Variants in SETD7 observed in about 807,000 individuals in gnomAD.
SETD7 encodes the protein SET domain containing 7, histone lysine methyltransferase.
In SETD7, 16 loss-of-function variants were observed where a neutral mutation model predicts 41.8. The observed-to-expected ratio is 0.38, with a 90% CI of 0.26 to 0.58. SETD7 has a LOEUF of 0.58. Among genes scored for constraint, SETD7 ranks in the 20% least tolerant of loss-of-function variants. The pLI is 0.64. For missense variants in SETD7, 346 were observed against 459.7 expected (o/e 0.75, Z 2.26); for synonymous variants, 163 against 169.7 (o/e 0.96, Z 0.31).
At chr4:139,496,325 A>T in exon 8 of SETD7, 1 of 698,798 alleles carries the variant, frequency 1.4e-6, no homozygotes, top group Non-Finnish European at 2.6e-6. Context: ...CAGTAGGCAG[A>T]GTTCATTCCA....
At chr4:139,530,814 T>C (rs1368572531) in intron 3 of SETD7, among the ~76,000 whole-genome samples, 4 of 152,206 alleles carry the variant, frequency 2.6e-5, no homozygotes, top group Admixed American at 6.5e-5. Flanking sequence ...TTAAAAACCT[T>C]ATATGAAAAA....
rs556784246 is a variant in SETD7, at chr4:139,536,595, A to G, written c.171-3229T>C. On this transcript the variant is annotated intron_variant, in intron 2 of 7. Transcript: ENST00000274031. ...GGGGTGGTAGCACATGCTTGTAATC[A>G]CAGCTACTCAGGAGGGTGAGGTGCA... 6.0e-4 allele frequency among the ~76,000 whole-genome samples: 91 copies of G among 152,160 alleles called. 1 individual carries two copies. In the South Asian group the frequency reaches 0.018, roughly 31 times the overall value.
intron 2 of SETD7, among the ~76,000 whole-genome samples, chr4:139,545,304 G>A (rs977163147): frequency 8.6e-5 from 13 of 151,930 alleles, no homozygotes; most frequent in Admixed American, 6.6e-4. Flanking sequence ...TCTACACCTC[G>A]TGGCAGAGAC....
chr4:139,533,557 C>T (rs2592972), intron 2 of SETD7, among the ~76,000 whole-genome samples, 191 bp from the exon 3 acceptor site: 68,879 of 152,050 alleles, frequency 0.45, 16,785 homozygotes, highest in Non-Finnish European at 0.53. Context: ...AGAAGAAAGA[C>T]GGAGATTTAA....
chr4:139,509,743 G>A lies in SETD7; in HGVS notation c.*1920C>T. 1.0e-6 allele frequency: 1 copy of A among 985,464 alleles called. No homozygotes were observed. The highest frequency in any genetic ancestry group is 1.2e-6 in the Non-Finnish European group (1 of 829,952). 61.0% of individuals were successfully genotyped at this position (985,464 alleles called of 1,614,324 possible). On this transcript the variant is annotated 3_prime_UTR_variant, in exon 8 of 8. Coordinates refer to ENST00000274031, the MANE Select transcript of SETD7 (RefSeq NM_030648.4). ...CCTGGCCCATCCGTCACAGTGTATA[G>A]AACGGTCTCTTTCTACAGAGTAAGA...
chr4:139,503,697 C>T (rs1339974991), downstream of SETD7, among the ~76,000 whole-genome samples: 6 of 151,968 alleles, frequency 3.9e-5, no homozygotes, highest in Non-Finnish European at 1.5e-5. Context: ...AGACTAACCT[C>T]CCTTCTTCTC....
chr4:139,520,297 C>T lies in SETD7; in HGVS notation c.742G>A (p.Val248Ile). The T allele has an allele frequency of 2.5e-6, 4 of 1,594,946 alleles. No homozygotes were observed. The highest frequency in any genetic ancestry group is 2.6e-6 in the Non-Finnish European group (3 of 1,169,306). Residue 248 changes from valine to isoleucine, a missense_variant, in exon 6 of 8, where the codon GTT (valine) becomes ATT (isoleucine). Physicochemically the swap from Val to Ile is conservative, Grantham distance 29 (BLOSUM62 3). Coordinates refer to ENST00000274031, the MANE Select transcript of SETD7 (RefSeq NM_030648.4). ...PNTVMSFYNGVRITHQEVDSR... is the reference protein window; with the variant it reads ...PNTVMSFYNGIRITHQEVDSR... ...CTCACCTCTTGGTGTGTAATTCGAA[C>T]TCCATTATAAAAAGACATAACAGTA...
Position 139,555,837 on chromosome 4 carries a change from G to T in SETD7, c.40+261C>A, listed in dbSNP as rs891660459. Among the ~76,000 whole-genome samples, 4 of 152,114 alleles carry T rather than the reference G, an allele frequency of 2.6e-5. No homozygotes were observed. The highest frequency in any genetic ancestry group is 9.7e-5 in the African/African-American group (4 of 41,436). ...CCGAGGGTGGATGCAGGCTGTGGCC[G>T]GGCGGGATGGAGCGGCCGTGCGTTT... On this transcript the variant is annotated intron_variant, in intron 1 of 7. Coordinates refer to ENST00000274031, the MANE Select transcript of SETD7 (RefSeq NM_030648.4). The surrounding 1 kb of genome is among the most constrained non-coding windows in gnomAD (Gnocchi z 4.0).
downstream of SETD7, among the ~76,000 whole-genome samples, chr4:139,495,782 T>A (rs1473258013): frequency 2.0e-5 from 3 of 152,212 alleles, no homozygotes; most frequent in Non-Finnish European, 4.4e-5. Flanking sequence ...ATAAACGTAA[T>A]GTTTAATGAT....
intron 6 of SETD7, among the ~76,000 whole-genome samples, chr4:139,519,466 CA>C (rs1727119541): frequency 6.6e-6 from 1 of 152,234 alleles, no homozygotes; most frequent in Admixed American, 6.5e-5. Context: ...GGATTGCTGA[CA>C]GAAGTCTGGC....
chr4:139,552,978 A>G (rs576874525), intron 1 of SETD7, among the ~76,000 whole-genome samples: 1 of 152,222 alleles, frequency 6.6e-6, no homozygotes, highest in African/African-American at 2.4e-5. Flanking sequence ...CTGGAAAACT[A>G]AACATCACTC....
chr4:139,500,962 C>T (rs1054798942), intron 7 of SETD7, among the ~76,000 whole-genome samples: 3 of 152,132 alleles, frequency 2.0e-5, no homozygotes, highest in Admixed American at 6.5e-5. Flanking sequence ...TGGCTCTCTG[C>T]GGCCCCCCTC....
chr4:139,497,842 C>A (rs12503770), intron 7 of SETD7, among the ~76,000 whole-genome samples: 115,616 of 151,532 alleles, frequency 0.76, 44,708 homozygotes, highest in East Asian at 0.98. Context: ...ATCCACCCGC[C>A]TCGGCCTCCC....
chr4:139,541,529 T>C (rs929529641), intron 2 of SETD7, among the ~76,000 whole-genome samples: 1 of 152,196 alleles, frequency 6.6e-6, no homozygotes, highest in Non-Finnish European at 1.5e-5. Context: ...AATTCCTTTA[T>C]CTCGGGACCG....
chr4:139,521,319 G>A (rs149660636), intron 5 of SETD7, among the ~76,000 whole-genome samples: 12 of 152,088 alleles, frequency 7.9e-5, no homozygotes, highest in African/African-American at 1.9e-4. Context: ...CCAGTTACTC[G>A]GGAGGCTGAG....
chr4:139,517,787 C>G, intron 7 of SETD7, 98 bp downstream of exon 7: 1 of 1,286,166 alleles, frequency 7.8e-7, no homozygotes, highest in Non-Finnish European at 1.1e-6. Flanking sequence ...TCAGATGAAG[C>G]AGCCTTTATC....
intron 7 of SETD7, among the ~76,000 whole-genome samples, chr4:139,500,275 C>T (rs959602032): frequency 6.6e-6 from 1 of 152,114 alleles, no homozygotes; most frequent in Admixed American, 6.5e-5. Context: ...CTCACCATGG[C>T]CCCTCTGTCC....
At chr4:139,543,276 A>T (rs1194245372) in intron 2 of SETD7, among the ~76,000 whole-genome samples, 1 of 152,234 alleles carries the variant, frequency 6.6e-6, no homozygotes, top group Non-Finnish European at 1.5e-5. Context: ...GACAAATATA[A>T]ATAAAAACTG....
At chr4:139,493,282 C>T (rs1443410043), downstream of SETD7, among the ~76,000 whole-genome samples, 1 of 152,114 alleles carries the variant, frequency 6.6e-6, no homozygotes, top group African/African-American at 2.4e-5. Flanking sequence ...TGAAGGGTGA[C>T]AGAGAGAAGC....
Sources: allele counts gnomAD v4.1 joint callset (sites outside exome capture counted in the v4.1 genomes callset), GRCh38; gene constraint gnomAD v4.1.1; non-coding constraint Gnocchi (gnomAD v3.1); transcripts MANE v1.5; gene names NCBI Gene and HGNC (gene_info 2026-07-23, HGNC 2026-07-21).